Variants in PTPRD observed in about 807,000 individuals in gnomAD.
PTPRD encodes receptor-type tyrosine-protein phosphatase delta.
In PTPRD, 34 loss-of-function variants were observed where a neutral mutation model predicts 214.5. The observed-to-expected ratio is 0.16, with a 90% CI of 0.12 to 0.21. The LOEUF is 0.21. Ranked by LOEUF, PTPRD falls within the 10% of genes least tolerant of loss-of-function variation. The pLI is 1.00. For missense variants in PTPRD, 2,545 were observed against 2,398.7 expected, an observed-to-expected ratio of 1.06 and a Z score of -1.27; for synonymous variants, 1,128 against 845.7, an observed-to-expected ratio of 1.33 and a Z score of -5.79.
intron 4 of PTPRD, among the ~76,000 whole-genome samples, chr9:10,007,679 C>G (rs541204459): frequency 6.6e-6 from 1 of 152,054 alleles, no homozygotes; most frequent in South Asian, 2.1e-4. Context: ...CATAAGCCAC[C>G]TACAACCCCA....
chr9:8,730,243 G>A (rs1409537202), intron 12 of PTPRD, among the ~76,000 whole-genome samples: 3 of 152,022 alleles, frequency 2.0e-5, no homozygotes, highest in South Asian at 2.1e-4. Flanking sequence ...GCGACTGAGC[G>A]AGACTCTGTC....
At chr9:9,554,780 A>C (rs149821653) in intron 8 of PTPRD, among the ~76,000 whole-genome samples, 4 of 152,164 alleles carry the variant, frequency 2.6e-5, no homozygotes, top group Non-Finnish European at 5.9e-5. Flanking sequence ...GGAAACTTAG[A>C]CTTAATGGAA....
At chr9:9,221,212 G>A (rs2099955766) in intron 9 of PTPRD, among the ~76,000 whole-genome samples, 1 of 152,032 alleles carries the variant, frequency 6.6e-6, no homozygotes. Context: ...TGCATTCATT[G>A]GCAAAGTGAG....
intron 12 of PTPRD, among the ~76,000 whole-genome samples, chr9:8,663,192 G>C: frequency 6.6e-6 from 1 of 150,852 alleles, no homozygotes; most frequent in Admixed American, 6.6e-5. Context: ...TTATAATGAG[G>C]AGAATATTTT....
intron 11 of PTPRD, among the ~76,000 whole-genome samples, chr9:8,737,060 T>C (rs6477330): frequency 0.011 from 1,638 of 152,270 alleles, 36 homozygotes; most frequent in African/African-American, 0.038. Flanking sequence ...CTCCGTGTGA[T>C]CACAGAGATG....
In PTPRD at chr9:9,270,104, A is replaced by G. The variant is rs375720052; in HGVS notation, c.-202-86741T>C. Among the ~76,000 whole-genome samples the G allele has an allele frequency of 3.0e-4, 45 of 151,230 alleles. No homozygotes were observed. In the South Asian group the frequency reaches 8.7e-3, roughly 29 times the overall value. ...TATTCTCACCATATACAAAAAGGTA[A>G]CTAGGTGAGTTGATAGATATGTTAG... On this transcript the variant is annotated intron_variant, in intron 9 of 45. Coordinates refer to ENST00000381196, the MANE Select transcript of PTPRD (RefSeq NM_002839.4).
chr9:10,079,446 C>G (rs1381423270), intron 3 of PTPRD, among the ~76,000 whole-genome samples: 1 of 152,042 alleles, frequency 6.6e-6, no homozygotes, highest in Non-Finnish European at 1.5e-5. Context: ...TGTATTTTTC[C>G]CCTCCCCTGA....
At chr9:9,785,248 G>A (rs964396578) in intron 5 of PTPRD, among the ~76,000 whole-genome samples, 7 of 151,896 alleles carry the variant, frequency 4.6e-5, no homozygotes, top group Non-Finnish European at 1.0e-4. Flanking sequence ...AATTATTGCA[G>A]GCAAGATTCG....
intron 9 of PTPRD, among the ~76,000 whole-genome samples, chr9:9,190,507 C>T (rs1024024557): frequency 6.6e-6 from 1 of 152,040 alleles, no homozygotes; most frequent in South Asian, 2.1e-4. Context: ...GAGGCCCCCC[C>T]AGCCATTCTC....
chr9:9,186,772 C>T (rs971265897), intron 9 of PTPRD, among the ~76,000 whole-genome samples: 2 of 151,930 alleles, frequency 1.3e-5, no homozygotes, highest in Non-Finnish European at 2.9e-5. Flanking sequence ...TCCACCTTCA[C>T]AGAAATAACA....
In PTPRD at chr9:8,823,509, T is replaced by C. The variant is rs571755482; in HGVS notation, c.-103-89563A>G. ...CAAGAAATCACACCTTAGCTGGGTG[T>C]GGTGGTGGCGCGTGCCTGTAAGTCC... On this transcript the variant is annotated intron_variant, in intron 11 of 45. Coordinates refer to ENST00000381196, the MANE Select transcript of PTPRD (RefSeq NM_002839.4). 1.2e-3 allele frequency among the ~76,000 whole-genome samples: 181 copies of C among 152,116 alleles called. 1 individual carries two copies. The highest frequency in any genetic ancestry group is 8.5e-4 in the Non-Finnish European group (58 of 67,980).
At chr9:8,684,619 T>C (rs1362055125) in intron 12 of PTPRD, among the ~76,000 whole-genome samples, 1 of 152,154 alleles carries the variant, frequency 6.6e-6, no homozygotes, top group African/African-American at 2.4e-5. Flanking sequence ...TACAGACTAA[T>C]ACACAAATTA....
At chr9:9,259,784 T>C (rs1019491871) in intron 9 of PTPRD, among the ~76,000 whole-genome samples, 5 of 151,842 alleles carry the variant, frequency 3.3e-5, no homozygotes, top group Non-Finnish European at 7.4e-5. Flanking sequence ...GAGAACTGTA[T>C]ACCAACTCGC....
At chr9:8,674,935 T>C (rs1006749018) in intron 12 of PTPRD, among the ~76,000 whole-genome samples, 1 of 152,206 alleles carries the variant, frequency 6.6e-6, no homozygotes. Flanking sequence ...CTAGATACTG[T>C]CAAATAGCAT....
intron 8 of PTPRD, among the ~76,000 whole-genome samples, chr9:9,399,175 G>A (rs569179264): frequency 2.4e-4 from 37 of 152,058 alleles, no homozygotes; most frequent in African/African-American, 8.9e-4. Flanking sequence ...ATCAAGAGAA[G>A]GTATTACTGA....
chr9:9,316,936 A>C (rs999208524), intron 9 of PTPRD, among the ~76,000 whole-genome samples: 5 of 152,236 alleles, frequency 3.3e-5, no homozygotes, highest in Admixed American at 1.3e-4. Flanking sequence ...TAAAGTTACA[A>C]AGTCACTTAT....
intron 35 of PTPRD, among the ~76,000 whole-genome samples, chr9:8,420,087 C>A (rs1241004193): frequency 6.6e-6 from 1 of 152,108 alleles, no homozygotes; most frequent in Non-Finnish European, 1.5e-5. Context: ...GTCCCATTAA[C>A]CATGGAGTAA....
At chr9:8,646,008 T>A (rs72700307) in intron 12 of PTPRD, among the ~76,000 whole-genome samples, 15,599 of 151,210 alleles carry the variant, frequency 0.1, 964 homozygotes, top group Middle Eastern at 0.13. Flanking sequence ...CCAAAAACAA[T>A]GGCCATGGTT....
At chr9:8,788,342 C>T (rs921457383) in intron 11 of PTPRD, among the ~76,000 whole-genome samples, 2 of 131,492 alleles carry the variant, frequency 1.5e-5, no homozygotes, top group Non-Finnish European at 3.1e-5. Context: ...ATGGCACAAT[C>T]TCAGCTCACC....
Sources: gnomAD v4.1 joint callset for allele counts (sites outside exome capture counted in the v4.1 genomes callset) on GRCh38, gnomAD v4.1.1 for gene constraint, MANE v1.5 for transcripts, NCBI Gene and HGNC (gene_info 2026-07-23, HGNC 2026-07-21) for gene names.